Variants in INPP5D observed in about 807,000 individuals in gnomAD.
The protein encoded by INPP5D is phosphatidylinositol 3,4,5-trisphosphate 5-phosphatase 1.
A neutral mutation model predicts 122.9 loss-of-function variants in INPP5D; 33 were observed. That is an observed-to-expected ratio of 0.27 (90% confidence interval 0.20 to 0.36). INPP5D has a LOEUF of 0.36. Ranked by LOEUF, INPP5D falls within the 10% of genes least tolerant of loss-of-function variation. The probability of loss-of-function intolerance (pLI) is 1.00; values close to 1 mark genes in which losing one functional copy is unlikely to be tolerated. For synonymous variants in INPP5D, 584 were observed against 576.2 expected, an observed-to-expected ratio of 1.01 and a Z score of -0.19; for missense variants, 1,053 against 1,412.7, an observed-to-expected ratio of 0.75 and a Z score of 4.08.
At chr2:233,204,822 A>ATGCATATGTGCG in intron 26 of INPP5D, 105 bp downstream of exon 26, 1 of 1,415,558 alleles carries the variant, frequency 7.1e-7, no homozygotes. Context: ...GTGTGCACGC[A>ATGCATATGTGCG]TGCATATGTG....
At chr2:233,161,969 C>CT (rs2106293629) in intron 11 of INPP5D, 143 bp downstream of exon 11, 1 of 1,297,856 alleles carries the variant, frequency 7.7e-7, no homozygotes, top group South Asian at 1.6e-5. Flanking sequence ...CCCAGCCCAC[C>CT]CGCACAACCT....
intron 1 of INPP5D, among the ~76,000 whole-genome samples, chr2:233,067,635 A>G (rs1691264138): frequency 6.6e-6 from 1 of 152,200 alleles, no homozygotes; most frequent in Admixed American, 6.5e-5. Flanking sequence ...TGGATCCACC[A>G]TTTTGCATTC....
intron 18 of INPP5D, among the ~76,000 whole-genome samples, chr2:233,179,254 G>A (rs2106311219): frequency 6.6e-6 from 1 of 152,268 alleles, no homozygotes; most frequent in Middle Eastern, 3.4e-3. Context: ...TTCCCTCCCT[G>A]CCACCCGTCG....
intron 2 of INPP5D, among the ~76,000 whole-genome samples, chr2:233,080,053 C>T (rs1404964882): frequency 6.6e-6 from 1 of 152,182 alleles, no homozygotes; most frequent in Non-Finnish European, 1.5e-5. Context: ...CCTCAGTCTC[C>T]CTAGTAGCTG....
chr2:233,165,849 T>TG (rs1157989274), intron 13 of INPP5D, among the ~76,000 whole-genome samples: 2 of 95,170 alleles, frequency 2.1e-5, no homozygotes, highest in African/African-American at 6.8e-5. Context: ...TCTCTGTGTG[T>TG]TTGTGTGTGT....
intron 1 of INPP5D, among the ~76,000 whole-genome samples, chr2:233,064,315 C>T (rs763874042): frequency 1.3e-5 from 2 of 152,260 alleles, no homozygotes; most frequent in Non-Finnish European, 2.9e-5. Context: ...GGTCTGGCCA[C>T]AGCTGACAGT....
intron 2 of INPP5D, among the ~76,000 whole-genome samples, chr2:233,121,121 C>CTTTTTTTTTTTCTTTTTTTTTTT (rs1559302919): frequency 1.7e-5 from 2 of 117,642 alleles, no homozygotes; most frequent in Admixed American, 8.9e-5. Flanking sequence ...TTCTTTCTTT[C>CTTTTTTTTTTTCTTTTTTTTTTT]TTTTTTTTTT....
rs1459069454 is a variant in INPP5D, at chr2:233,100,488, C to T, written c.198+21090C>T. ...GCTCACTACACTGTAAACTCCAAAACAGCCCACGTTACTCCCGGTGACAAT... is the reference window on the plus strand; with the variant it reads ...GCTCACTACACTGTAAACTCCAAAATAGCCCACGTTACTCCCGGTGACAAT... On this transcript the variant is annotated intron_variant, in intron 2 of 26. Transcript: ENST00000445964. This position sits in a 1 kb window ranked among gnomAD's most constrained non-coding sequence, Gnocchi z 5.3. Among the ~76,000 whole-genome samples the T allele has an allele frequency of 2.6e-5, 4 of 152,188 alleles. No individual in the cohort carries two copies. The highest frequency in any genetic ancestry group is 2.6e-4 in the Admixed American group (4 of 15,284).
In INPP5D at chr2:233,190,600, G is replaced by A. The variant is rs1222996406; in HGVS notation, c.2446+663G>A. Among the ~76,000 whole-genome samples the A allele has an allele frequency of 6.6e-5, 10 of 152,272 alleles. No individual in the cohort carries two copies. The East Asian group carries it at 9.6e-4, about 15-fold the overall frequency. On this transcript the variant is annotated intron_variant, in intron 22 of 26. Coordinates refer to ENST00000445964, the MANE Select transcript of INPP5D (RefSeq NM_001017915.3). ...GCTCTCTGGTCTTCTGCTCAGCATCGCCTGGTGCCCAGACCAGGCAGGCTG... is the reference window on the plus strand; with the variant it reads ...GCTCTCTGGTCTTCTGCTCAGCATCACCTGGTGCCCAGACCAGGCAGGCTG...
chr2:233,158,981 C>T (rs776239096), intron 10 of INPP5D, among the ~76,000 whole-genome samples: 30 of 152,080 alleles, frequency 2.0e-4, no homozygotes, highest in Admixed American at 6.5e-4. Context: ...AGAGTCTCGC[C>T]GTGTTTCCCA....
chr2:233,107,469 C>T (rs1275486291), intron 2 of INPP5D, among the ~76,000 whole-genome samples: 1 of 152,128 alleles, frequency 6.6e-6, no homozygotes, highest in African/African-American at 2.4e-5. Flanking sequence ...TCTTTCACAG[C>T]AAAGAGGGTG....
At chr2:233,195,637 AG>A in intron 24 of INPP5D, 142 bp downstream of exon 24, 1 of 1,403,466 alleles carries the variant, frequency 7.1e-7, no homozygotes, top group East Asian at 2.5e-5. Flanking sequence ...ATTTGAGCCT[AG>A]GAGTTTGAGA....
At chr2:233,179,375 ATCTG>A (rs1257285046) in intron 18 of INPP5D, among the ~76,000 whole-genome samples, 1 of 152,188 alleles carries the variant, frequency 6.6e-6, no homozygotes, top group Non-Finnish European at 1.5e-5. Flanking sequence ...TGTCTCAACC[ATCTG>A]TCTGCTTCAG....
intron 25 of INPP5D, among the ~76,000 whole-genome samples, chr2:233,203,480 C>A (rs1168939919): frequency 2.6e-5 from 4 of 152,224 alleles, no homozygotes; most frequent in African/African-American, 9.6e-5. Context: ...GAAAAGGTCC[C>A]AGGCCAGAAC....
At chr2:233,119,138 A>G (rs1692891598) in intron 2 of INPP5D, among the ~76,000 whole-genome samples, 1 of 152,198 alleles carries the variant, frequency 6.6e-6, no homozygotes, top group South Asian at 2.1e-4. Flanking sequence ...AACGTGTCTT[A>G]CTTGGTTTTA....
intron 9 of INPP5D, among the ~76,000 whole-genome samples, chr2:233,149,725 G>A (rs185815032): frequency 9.2e-5 from 14 of 152,264 alleles, no homozygotes; most frequent in Admixed American, 8.5e-4. Flanking sequence ...TTGAGTCCCA[G>A]GTCAGCCACT....
chr2:233,176,350 T>TGGAC (rs1694626804), intron 17 of INPP5D, among the ~76,000 whole-genome samples: 2 of 149,552 alleles, frequency 1.3e-5, no homozygotes, highest in Non-Finnish European at 3.0e-5. Flanking sequence ...GATGGATGGA[T>TGGAC]GGATGGATAG....
At chr2:233,144,699 A>ATGGTGAGGGTGGAGATGGTG (rs1693711857) in intron 6 of INPP5D, among the ~76,000 whole-genome samples, 1 of 54,580 alleles carries the variant, frequency 1.8e-5, no homozygotes, top group South Asian at 4.9e-4. Context: ...TGGAGGTGGT[A>ATGGTGAGGGTGGAGATGGTG]GTAGTGATGG....
intron 2 of INPP5D, among the ~76,000 whole-genome samples, chr2:233,088,626 ATGT>A (rs1691912599): frequency 1.3e-5 from 2 of 152,214 alleles, no homozygotes; most frequent in African/African-American, 2.4e-5. Context: ...GAGATGGTTT[ATGT>A]AAACATGCAG....
Sources: gnomAD v4.1 joint callset for allele counts (sites outside exome capture counted in the v4.1 genomes callset) on GRCh38, gnomAD v4.1.1 for gene constraint, Gnocchi (gnomAD v3.1) non-coding constraint, MANE v1.5 for transcripts, NCBI Gene and HGNC (gene_info 2026-07-23, HGNC 2026-07-21) for gene names.